Variants in ZNF34 observed in about 807,000 individuals in gnomAD.
ZNF34 encodes zinc finger protein 34, also known as zinc finger protein 34 (KOX 32).
A neutral mutation model predicts 14.4 loss-of-function variants in ZNF34; 8 were observed. The ratio of observed to expected loss-of-function variants is 0.55; its 90% CI spans 0.33 to 1.00. The LOEUF (loss-of-function observed/expected upper bound fraction) is 1.00, where lower values mean the gene tolerates loss of function less well. ZNF34 is among the 50% of genes least tolerant of loss of function. ZNF34 has a pLI of 0.03. For synonymous variants in ZNF34, 235 were observed against 247.9 expected (o/e 0.95, Z 0.49); for missense variants, 538 against 674.2 (o/e 0.80, Z 2.24).
intron 5 of ZNF34, among the ~76,000 whole-genome samples, chr8:144,775,734 C>T (rs926961512): frequency 6.6e-6 from 1 of 152,176 alleles, no homozygotes; most frequent in Non-Finnish European, 1.5e-5. Flanking sequence ...CGGAAACAGT[C>T]TGTATTTTAA....
rs547039169 is a variant in ZNF34, at chr8:144,777,163, A to G, written c.280+295T>C. On this transcript the variant is annotated intron_variant, in intron 5 of 5. Coordinates refer to ENST00000429371, the MANE Select transcript of ZNF34 (RefSeq NM_001286769.2). The surrounding 1 kb of genome is among the most constrained non-coding windows in gnomAD (Gnocchi z 4.8). ...GGTTCTGTGGGGTTCCGCAGACCCTAACAGCACCCCTGTTCTGCACCTACT... is the reference window on the plus strand; with the variant it reads ...GGTTCTGTGGGGTTCCGCAGACCCTGACAGCACCCCTGTTCTGCACCTACT... Among the ~76,000 whole-genome samples, 9 of 152,184 alleles carry G rather than the reference A, an allele frequency of 5.9e-5. No homozygotes were observed. The highest frequency in any genetic ancestry group is 1.3e-4 in the Non-Finnish European group (9 of 67,994).
At chr8:144,781,310 C>T (rs908851984) in intron 1 of ZNF34, among the ~76,000 whole-genome samples, 1 of 150,762 alleles carries the variant, frequency 6.6e-6, no homozygotes. Flanking sequence ...ACTCTGTCGC[C>T]CAGGCTAGAG....
At chr8:144,781,620 T>C (rs761836845) in intron 1 of ZNF34, among the ~76,000 whole-genome samples, 1 of 137,274 alleles carries the variant, frequency 7.3e-6, no homozygotes, top group South Asian at 2.1e-4. Context: ...GCTTAAAACA[T>C]AGAGAACACA....
chr8:144,781,488 C>T (rs925311484), intron 1 of ZNF34, among the ~76,000 whole-genome samples: 5 of 151,950 alleles, frequency 3.3e-5, no homozygotes, highest in African/African-American at 1.2e-4. Context: ...GATCTCCTGA[C>T]CTTGTGATCT....
intron 1 of ZNF34, among the ~76,000 whole-genome samples, chr8:144,784,290 G>C (rs1826089527): frequency 6.6e-6 from 1 of 151,288 alleles, no homozygotes; most frequent in Non-Finnish European, 1.5e-5. Context: ...TAGGAAAAAA[G>C]ATAATGGAAG....
At position 144,773,670 on chromosome 8, in the gene ZNF34, C is replaced by T. The variant is rs1241744551; in HGVS notation, c.1216G>A (p.Ala406Thr). The T allele has an allele frequency of 2.5e-6, 4 of 1,613,894 alleles. No homozygotes were observed. The African/African-American group carries it at 4.0e-5, about 16-fold the overall frequency. The change falls in exon 6 of 6, where the codon GCT (alanine) becomes ACT (threonine). Residue 406 changes from alanine to threonine, a missense_variant. Physicochemically the swap from Ala to Thr is moderately conservative, Grantham distance 58. Transcript: ENST00000429371. This position sits in a 1 kb window ranked among gnomAD's most constrained non-coding sequence, Gnocchi z 5.4. The stretch of plus-strand genomic sequence containing the variant: ...ACGAGTTTGGTTTTTTGAATGAAAG[C>T]TTTCTCACATTCATTACATTTATAG... ...KPYKCNECEK[A>T]FIQKTKLVEH...
chr8:144,778,553 G>A, intron 2 of ZNF34, 28 bp from the exon 3 acceptor site: 2 of 1,490,364 alleles, frequency 1.3e-6, no homozygotes, highest in Non-Finnish European at 1.8e-6. Context: ...AACAAGTGGA[G>A]GCCCAGTCTG....
chr8:144,775,843 TAAG>T (rs35296573), intron 5 of ZNF34, among the ~76,000 whole-genome samples: 74,286 of 151,870 alleles, frequency 0.49, 18,404 homozygotes, highest in Middle Eastern at 0.57. Context: ...ATTTACAAAA[TAAG>T]AAGTCCTTTG....
In ZNF34 at chr8:144,787,306, C is replaced by T. The variant is rs1311512762; in HGVS notation, c.-135G>A. 1 of 152,548 alleles carries T rather than the reference C, an allele frequency of 6.6e-6. No individual in the cohort carries two copies. Among genetic ancestry groups the T allele is most frequent in the African/African-American group, 2.4e-5 (1 of 41,594 alleles). 9.4% of individuals were successfully genotyped at this position (152,548 alleles called of 1,614,324 possible). ...CAGCGCCGCCGAGCAGCACGGCAGC[C>T]CAACCTCGCCCGTTCGGCCCTCCCT... is the stretch of plus-strand genomic sequence containing the variant. On this transcript the variant is annotated 5_prime_UTR_variant, in exon 1 of 6. Transcript: ENST00000429371.
At chr8:144,775,246 G>C (rs941648244) in intron 5 of ZNF34, among the ~76,000 whole-genome samples, 1 of 152,200 alleles carries the variant, frequency 6.6e-6, no homozygotes, top group Non-Finnish European at 1.5e-5. Context: ...TATCTGCCAA[G>C]ATGTGCAGCA....
intron 1 of ZNF34, among the ~76,000 whole-genome samples, chr8:144,780,932 C>T (rs557604437): frequency 9.9e-5 from 15 of 150,904 alleles, no homozygotes; most frequent in African/African-American, 2.7e-4. Context: ...GTCAGGAGAT[C>T]GAGACCATCC....
chr8:144,774,454 C>T lies in ZNF34; in HGVS notation c.432G>A (p.Arg144=), dbSNP rs1586726481. The change falls in exon 6 of 6, where the codon AGG becomes AGA. Residue 144 remains arginine, a synonymous_variant. Coordinates refer to ENST00000429371, the MANE Select transcript of ZNF34 (RefSeq NM_001286769.2). ...LEKLVEQRGP[R]AVTLTNGESS... is the part of the protein sequence containing the mutation. ...TCTCCCCGTTGGTCAGTGTGACTGC[C>T]CTGGGGCCTCTCTGCTCCACTAGCT... 1 of 1,613,966 alleles carries T rather than the reference C, an allele frequency of 6.2e-7. No individual in the cohort carries two copies. Among genetic ancestry groups the T allele is most frequent in the African/African-American group, 1.3e-5 (1 of 75,036 alleles).
chr8:144,780,786 T>C (rs1487016890), intron 1 of ZNF34, among the ~76,000 whole-genome samples: 4 of 149,064 alleles, frequency 2.7e-5, no homozygotes, highest in East Asian at 2.0e-4. Flanking sequence ...CAAGACTTCA[T>C]CTCCAAAAAA....
intron 2 of ZNF34, 109 bp from the exon 3 acceptor site, chr8:144,778,634 C>A (rs996558068): frequency 7.0e-5 from 55 of 782,664 alleles, no homozygotes; most frequent in Non-Finnish European, 1.0e-4. Flanking sequence ...TGGTCCACCC[C>A]TGCCCATCCC....
intron 5 of ZNF34, among the ~76,000 whole-genome samples, chr8:144,776,377 A>C (rs1563786578): frequency 6.6e-6 from 1 of 150,754 alleles, no homozygotes; most frequent in East Asian, 1.9e-4. Context: ...AGGTGGGAGG[A>C]TCGCTTGAGC....
Position 144,773,095 on chromosome 8 carries a change from T to C in ZNF34, c.*171A>G. 1.4e-6 allele frequency: 1 copy of C among 713,936 alleles called. No individual in the cohort carries two copies. Among genetic ancestry groups the C allele is most frequent in the Non-Finnish European group, 2.1e-6 (1 of 481,966 alleles). 44.2% of individuals were successfully genotyped at this position (713,936 alleles called of 1,614,324 possible). Reference sequence around the variant, plus strand: ...GCCCACTTTTCTGTCTCAATTTCTCTAAAATGAACATGCACTGCTTTTGAT... The same window carrying C: ...GCCCACTTTTCTGTCTCAATTTCTCCAAAATGAACATGCACTGCTTTTGAT... On this transcript the variant is annotated 3_prime_UTR_variant, in exon 6 of 6. Transcript: ENST00000429371. The surrounding 1 kb of genome is among the most constrained non-coding windows in gnomAD (Gnocchi z 5.4).
rs747298644 is a variant in ZNF34, at chr8:144,772,999, C to T, written c.*267G>A. 4.8e-5 allele frequency: 18 copies of T among 375,798 alleles called. No individual in the cohort carries two copies. Among genetic ancestry groups the T allele is most frequent in the Admixed American group, 1.7e-4 (4 of 23,996 alleles). 23.3% of individuals were successfully genotyped at this position (375,798 alleles called of 1,614,324 possible). Reference sequence around the variant, plus strand: ...TTTTAAAATGCTCTCCAGTATGTCTCGAAAATATTCGTAAATCAGCAGCAA... The same window carrying T: ...TTTTAAAATGCTCTCCAGTATGTCTTGAAAATATTCGTAAATCAGCAGCAA... On this transcript the variant is annotated 3_prime_UTR_variant, in exon 6 of 6. Coordinates refer to ENST00000429371, the MANE Select transcript of ZNF34 (RefSeq NM_001286769.2).
Position 144,773,451 on chromosome 8 carries a change from C to G in ZNF34, c.1435G>C (p.Glu479Gln). Reference protein sequence around the residue: ...LIHHQRLHHGEKPYRCSDCKK... With the variant: ...LIHHQRLHHGQKPYRCSDCKK... ...CAATCGCTGCATCTGTAGGGTTTCT[C>G]TCCGTGGTGCAGCCTCTGGTGGTGG... is the stretch of plus-strand genomic sequence containing the variant. The change falls in exon 6 of 6, where the codon GAG becomes CAG. Residue 479 changes from glutamate to glutamine, a missense_variant. Around this residue, in one of 3 missense-constraint regions of ZNF34, gnomAD observed 101 missense variants for 123.1 expected, o/e 0.82. Transcript: ENST00000429371. This position sits in a 1 kb window ranked among gnomAD's most constrained non-coding sequence, Gnocchi z 5.4. 2.5e-6 allele frequency: 4 copies of G among 1,614,080 alleles called. No individual in the cohort carries two copies. Among genetic ancestry groups the G allele is most frequent in the Non-Finnish European group, 3.4e-6 (4 of 1,180,030 alleles).
intron 1 of ZNF34, chr8:144,785,309 C>CTGTA (rs1826160630): frequency 1.3e-5 from 2 of 152,218 alleles, no homozygotes; most frequent in Non-Finnish European, 2.9e-5. Flanking sequence ...CTGGCAAACC[C>CTGTA]TGTAGTCCCA....
Sources: allele counts gnomAD v4.1 joint callset (sites outside exome capture counted in the v4.1 genomes callset), GRCh38; gene constraint gnomAD v4.1.1; regional missense constraint gnomAD v4.1.1; non-coding constraint Gnocchi (gnomAD v3.1); transcripts MANE v1.5; gene names NCBI Gene and HGNC (gene_info 2026-07-23, HGNC 2026-07-21).